Variants in RCBTB2 observed in about 807,000 individuals in gnomAD.
RCBTB2 encodes the protein RCC1 and BTB domain containing protein 2.
In RCBTB2, 55 loss-of-function variants were observed where a neutral mutation model predicts 65.4. The ratio of observed to expected loss-of-function variants is 0.84; its 90% CI spans 0.68 to 1.05. The LOEUF is 1.05. Ranked by LOEUF, RCBTB2 falls within the 50% of genes least tolerant of loss-of-function variation. The pLI is 0.00. For missense variants in RCBTB2, 599 were observed against 680.1 expected, an observed-to-expected ratio of 0.88 and a Z score of 1.33; for synonymous variants, 220 against 255.2, an observed-to-expected ratio of 0.86 and a Z score of 1.31.
intron 1 of RCBTB2, among the ~76,000 whole-genome samples, chr13:48,526,688 G>C (rs750977967): frequency 4.6e-5 from 7 of 152,050 alleles, no homozygotes; most frequent in Non-Finnish European, 8.8e-5. Context: ...GCAGAGATGG[G>C]AGGATTAATT....
chr13:48,511,219 T>A (rs897579452), intron 9 of RCBTB2, among the ~76,000 whole-genome samples: 1 of 152,194 alleles, frequency 6.6e-6, no homozygotes, highest in African/African-American at 2.4e-5. Flanking sequence ...TTACTGACCA[T>A]GTTGTATAAG....
intron 14 of RCBTB2, among the ~76,000 whole-genome samples, chr13:48,492,757 T>G (rs1949754240): frequency 6.6e-6 from 1 of 152,204 alleles, no homozygotes; most frequent in Admixed American, 6.5e-5. Context: ...CTCTTCAGTC[T>G]CCTTTGCTGG....
rs1311735715 is a variant in RCBTB2, at chr13:48,493,313, ACACT to A, written c.1515+2874_1515+2877del. Among the ~76,000 whole-genome samples, 12 of 60,144 alleles carry A rather than the reference ACACT, an allele frequency of 2.0e-4. 1 individual carries two copies. Among genetic ancestry groups the A allele is most frequent in the African/African-American group, 7.1e-4 (10 of 14,018 alleles). 39.5% of individuals were successfully genotyped at this position (60,144 alleles called of 152,430 possible). A position where few individuals can be genotyped will look rare whatever the true frequency, so the allele number is the denominator to read the frequency against. ...TCCACACACACACACACACACACACACACTCTCTCTCTCTCTCTCTCTCTCTCTT... is the reference window on the plus strand; with the variant it reads ...TCCACACACACACACACACACACACACTCTCTCTCTCTCTCTCTCTCTCTT... On this transcript the variant is annotated intron_variant, in intron 14 of 14. Coordinates refer to ENST00000344532, the MANE Select transcript of RCBTB2 (RefSeq NM_001268.4).
At chr13:48,502,574 G>A (rs1239290622) in intron 11 of RCBTB2, 150 bp downstream of exon 11, 154 of 734,280 alleles carry the variant, frequency 2.1e-4, no homozygotes, top group Non-Finnish European at 3.1e-4. Flanking sequence ...ATGCTCTGAA[G>A]AAAATAAAAT....
intron 9 of RCBTB2, among the ~76,000 whole-genome samples, chr13:48,511,030 G>T (rs1950763899): frequency 6.6e-6 from 1 of 152,084 alleles, no homozygotes; most frequent in Non-Finnish European, 1.5e-5. Flanking sequence ...GGTATGAGGG[G>T]AATGTAAGAA....
chr13:48,531,366 T>C (rs1952108912), intron 1 of RCBTB2, among the ~76,000 whole-genome samples: 1 of 152,240 alleles, frequency 6.6e-6, no homozygotes, highest in Non-Finnish European at 1.5e-5. Context: ...AGATTGATCA[T>C]ACCCTTACAA....
chr13:48,498,220 CAAG>C (rs1706421676), intron 13 of RCBTB2, among the ~76,000 whole-genome samples: 1 of 152,210 alleles, frequency 6.6e-6, no homozygotes, highest in South Asian at 2.1e-4. Flanking sequence ...GGTTCTGGCA[CAAG>C]AAGTCCTGCA....
rs142443945 is a variant in RCBTB2, at chr13:48,499,111, A to AACACACAC, written c.1384+502_1384+509dup. 9.4e-3 allele frequency among the ~76,000 whole-genome samples: 992 copies of AACACACAC among 105,836 alleles called. 28 individuals are homozygous for AACACACAC. The highest frequency in any genetic ancestry group is 0.039 in the African/African-American group (901 of 23,112). The allele number at this position is 105,836 out of a possible 152,430, so 69.4% of individuals were successfully genotyped here. Reference sequence around the variant, plus strand: ...TTGCCTCTCTCCCGACCCCCACCCCAACACACACACACACACACACACACA... The same window carrying AACACACAC: ...TTGCCTCTCTCCCGACCCCCACCCCAACACACACACACACACACACACACACACACACA... On this transcript the variant is annotated intron_variant, in intron 13 of 14. Transcript: ENST00000344532.
intron 1 of RCBTB2, among the ~76,000 whole-genome samples, chr13:48,531,680 C>A (rs977083522): frequency 1.3e-5 from 2 of 152,170 alleles, no homozygotes; most frequent in African/African-American, 4.8e-5. Context: ...TTGCTTTTAC[C>A]TGCTGCTTAA....
intron 1 of RCBTB2, among the ~76,000 whole-genome samples, chr13:48,527,344 A>ATG (rs1317636323): frequency 8.1e-6 from 1 of 123,622 alleles, no homozygotes. Context: ...TATGATATAT[A>ATG]TATATATGAT....
At chr13:48,515,889 C>T (rs1593737937) in intron 4 of RCBTB2, 148 bp from the exon 5 acceptor site, 3 of 804,084 alleles carry the variant, frequency 3.7e-6, no homozygotes, top group East Asian at 5.6e-5. Flanking sequence ...GCAGGGATTG[C>T]CTCTGCCAGC....
Position 48,490,161 on chromosome 13 carries a change from G to A in RCBTB2, c.1606C>T (p.Leu536=), listed in dbSNP as rs1949636019. ...SGFAEMDHDL[L]KNFISKASRV... is the part of the protein sequence containing the mutation. Reference sequence around the variant, plus strand: ...CTTGCTTTGCTGATAAAGTTCTTCAGGAGATCATGGTCCATTTCTGCAAAA... The same window carrying A: ...CTTGCTTTGCTGATAAAGTTCTTCAAGAGATCATGGTCCATTTCTGCAAAA... The change falls in exon 15 of 15, where the codon CTG becomes TTG. Residue 536 remains leucine, a synonymous_variant. Coordinates refer to ENST00000344532, the MANE Select transcript of RCBTB2 (RefSeq NM_001268.4). 1.2e-6 allele frequency: 2 copies of A among 1,614,002 alleles called. No homozygotes were observed. The highest frequency in any genetic ancestry group is 1.3e-5 in the African/African-American group (1 of 74,914).
At chr13:48,507,491 C>T (rs1206605233) in intron 10 of RCBTB2, among the ~76,000 whole-genome samples, 1 of 152,186 alleles carries the variant, frequency 6.6e-6, no homozygotes, top group African/African-American at 2.4e-5. Context: ...AAAATCACTA[C>T]ATGTTGATAA....
At chr13:48,502,699 C>T (rs1354702370) in intron 11 of RCBTB2, 25 bp downstream of exon 11, 4 of 1,582,204 alleles carry the variant, frequency 2.5e-6, no homozygotes, top group Non-Finnish European at 3.4e-6. Context: ...CAGGCCATCC[C>T]CCAAATGGAC....
intron 10 of RCBTB2, among the ~76,000 whole-genome samples, chr13:48,508,271 C>A (rs1950601589): frequency 6.6e-6 from 1 of 152,232 alleles, no homozygotes; most frequent in Non-Finnish European, 1.5e-5. Context: ...CAAGTCCCAG[C>A]ACAGACCTAT....
chr13:48,501,964 A>T (rs1177580843), intron 11 of RCBTB2, 96 bp from the exon 12 acceptor site: 19 of 1,040,146 alleles, frequency 1.8e-5, no homozygotes, highest in Non-Finnish European at 2.6e-5. Flanking sequence ...TCATGAAAGT[A>T]CCAATTCCTC....
At chr13:48,535,393 C>T (rs540800093), upstream of RCBTB2, among the ~76,000 whole-genome samples, 3 of 151,854 alleles carry the variant, frequency 2.0e-5, no homozygotes, top group East Asian at 1.9e-4. Flanking sequence ...GTAGTTGGAA[C>T]GGCAGGTGTG....
intron 1 of RCBTB2, among the ~76,000 whole-genome samples, chr13:48,527,351 TG>T (rs111842815): frequency 0.016 from 1,951 of 120,482 alleles, 152 homozygotes; most frequent in African/African-American, 0.092. Context: ...TATATATATA[TG>T]ATATATATTT....
chr13:48,509,034 A>T (rs182741548), intron 10 of RCBTB2, among the ~76,000 whole-genome samples: 12 of 152,238 alleles, frequency 7.9e-5, no homozygotes, highest in Non-Finnish European at 2.9e-5. Context: ...GAGCACCATA[A>T]AAAGTAATGG....
Sources: gnomAD v4.1 joint callset for allele counts (sites outside exome capture counted in the v4.1 genomes callset) on GRCh38, gnomAD v4.1.1 for gene constraint, MANE v1.5 for transcripts, NCBI Gene and HGNC (gene_info 2026-07-23, HGNC 2026-07-21) for gene names.